ERCC1: variants seen among roughly 807,000 people sequenced by gnomAD.
ERCC1 encodes the protein ERCC excision repair 1, endonuclease non-catalytic subunit.
A neutral mutation model predicts 37.6 loss-of-function variants in ERCC1; 36 were observed. The observed-to-expected ratio is 0.96, with a 90% CI of 0.73 to 1.26. ERCC1 has a LOEUF of 1.26. ERCC1 is among the 50% of genes most tolerant of loss of function. ERCC1 has a pLI of 0.00. For missense variants in ERCC1, 349 were observed against 376.5 expected (o/e 0.93, Z 0.60); for synonymous variants, 156 against 162.1 (o/e 0.96, Z 0.28).
At chr19:45,451,516 G>A (rs896495712) in intron 1 of ERCC1, among the ~76,000 whole-genome samples, 1 of 152,110 alleles carries the variant, frequency 6.6e-6, no homozygotes, top group Non-Finnish European at 1.5e-5. Flanking sequence ...GGCAGCCCGT[G>A]GTCCTTCCAT....
At chr19:45,414,109 G>T in intron 7 of ERCC1, 75 bp from the exon 8 acceptor site, 1 of 1,200,390 alleles carries the variant, frequency 8.3e-7, no homozygotes. Context: ...GCAGGGCTGG[G>T]TCACAGCTGT....
At chr19:45,415,635 CAAAAA>C (rs913880423) in intron 6 of ERCC1, among the ~76,000 whole-genome samples, 2 of 46,724 alleles carry the variant, frequency 4.3e-5, no homozygotes, top group Non-Finnish European at 8.5e-5. Context: ...GACTCCGTCT[CAAAAA>C]AAAAAAAAAA....
At chr19:45,410,596 T>TGTGTGTGTGTGTGTGTGTGG (rs896460788) in intron 9 of ERCC1, 10 of 151,610 alleles carry the variant, frequency 6.6e-5, no homozygotes, top group African/African-American at 2.4e-4. Flanking sequence ...TGTGTGTGTG[T>TGTGTGTGTGTGTGTGTGTGG]GGTACCCATT....
intron 5 of ERCC1, among the ~76,000 whole-genome samples, chr19:45,418,302 T>C (rs1192449349): frequency 6.6e-6 from 1 of 152,056 alleles, no homozygotes; most frequent in African/African-American, 2.4e-5. Flanking sequence ...TGAGCCAAGA[T>C]TGCACCACTA....
chr19:45,418,514 G>A (rs934870100), intron 5 of ERCC1, among the ~76,000 whole-genome samples: 3 of 148,038 alleles, frequency 2.0e-5, no homozygotes, highest in Non-Finnish European at 3.0e-5. Flanking sequence ...AGGAGACTCC[G>A]TCTTAAAAAA....
At position 45,409,156 on chromosome 19, in the gene ERCC1, A is replaced by C; in HGVS notation, c.*519T>G. ...AGAAAGAAAAACAGCAAGATGCCAC[A>C]GTGGAGCCAGAGACAGAGGTGGTGG... On this transcript the variant is annotated 3_prime_UTR_variant, in exon 10 of 10. Transcript: ENST00000300853. The C allele has an allele frequency of 1.2e-6, 2 of 1,613,396 alleles. No individual in the cohort carries two copies. Among genetic ancestry groups the C allele is most frequent in the Non-Finnish European group, 1.7e-6 (2 of 1,179,592 alleles).
intron 5 of ERCC1, among the ~76,000 whole-genome samples, chr19:45,418,615 G>GA (rs1374866135): frequency 1.3e-5 from 2 of 151,234 alleles, no homozygotes; most frequent in Non-Finnish European, 3.0e-5. Context: ...CTGAGGTCAG[G>GA]AGTTCAAGAC....
At chr19:45,429,530 G>A (rs987729194) in intron 1 of ERCC1, among the ~76,000 whole-genome samples, 4 of 152,112 alleles carry the variant, frequency 2.6e-5, no homozygotes, top group Admixed American at 1.3e-4. Context: ...AAATGAGAAA[G>A]GCGGAAAGAG....
chr19:45,419,071 G>A (rs369561580), intron 5 of ERCC1, 27 bp downstream of exon 5: 411 of 1,489,656 alleles, frequency 2.8e-4, no homozygotes, highest in Non-Finnish European at 3.6e-4. Context: ...GCCCGGTGAG[G>A]CTGGCTAGGG....
At chr19:45,410,803 C>T (rs1973688576) in intron 9 of ERCC1, 3 of 152,000 alleles carry the variant, frequency 2.0e-5, no homozygotes, top group Admixed American at 1.3e-4. Context: ...TTGTAATTGA[C>T]AGGATCTCAT....
chr19:45,450,435 C>G (rs926679486), intron 1 of ERCC1, among the ~76,000 whole-genome samples: 3 of 152,270 alleles, frequency 2.0e-5, no homozygotes, highest in Admixed American at 2.0e-4. Context: ...ACGCGGCCGG[C>G]CGAGGTCGGC....
At chr19:45,438,727 C>T (rs1294339256) in intron 1 of ERCC1, among the ~76,000 whole-genome samples, 1 of 152,006 alleles carries the variant, frequency 6.6e-6, no homozygotes, top group Non-Finnish European at 1.5e-5. Context: ...GCGTGACCTC[C>T]GCCTCCCTGG....
chr19:45,434,647 A>G (rs974182501), intron 1 of ERCC1, among the ~76,000 whole-genome samples: 1 of 151,656 alleles, frequency 6.6e-6, no homozygotes, highest in Non-Finnish European at 1.5e-5. Flanking sequence ...GTGCAGTGGT[A>G]CGACCTCAGC....
chr19:45,423,428 T>C, intron 1 of ERCC1, 47 bp from the exon 2 acceptor site: 2 of 1,563,622 alleles, frequency 1.3e-6, no homozygotes, highest in Non-Finnish European at 1.7e-6. Flanking sequence ...GCGTCTACGT[T>C]CTCATCCCGC....
chr19:45,428,083 C>CTTTTT (rs5828235), upstream of ERCC1, among the ~76,000 whole-genome samples: 225 of 115,950 alleles, frequency 1.9e-3, 9 homozygotes, highest in African/African-American at 6.6e-3. Flanking sequence ...TTCTTTCTTT[C>CTTTTT]TTTTTTTTTT....
In ERCC1 at chr19:45,421,266, G is replaced by A; in HGVS notation, c.233C>T (p.Thr78Ile). The change falls in exon 3 of 10, where the codon ACA becomes ATA. Residue 78 changes from threonine to isoleucine, a missense_variant. Physicochemically the swap from Thr to Ile is moderately conservative, Grantham distance 89 (BLOSUM62 -1). Transcript: ENST00000300853. The stretch of plus-strand genomic sequence containing the variant: ...CTCTCCTGCCAGGGGCTCTGACCCT[G>A]TGGGGCACGTGGCCCCAGCCCCTTC... ...PLEGAGATCP[T>I]GSEPLAGETP... 6.2e-7 allele frequency: 1 copy of A among 1,614,176 alleles called. No individual in the cohort carries two copies. Among genetic ancestry groups the A allele is most frequent in the East Asian group, 2.2e-5 (1 of 44,886 alleles).
intron 9 of ERCC1, 37 bp from the exon 10 acceptor site, chr19:45,409,762 T>C (rs771323349): frequency 1.3e-6 from 1 of 764,562 alleles, no homozygotes; most frequent in Non-Finnish European, 2.4e-6. Flanking sequence ...GAACCAGTCA[T>C]TAAAGGAGCT....
chr19:45,434,292 G>C (rs112907865), intron 1 of ERCC1, among the ~76,000 whole-genome samples: 2,564 of 149,310 alleles, frequency 0.017, 36 homozygotes, highest in African/African-American at 0.026. Context: ...ACCAGCCTGG[G>C]CAACATGGTG....
At chr19:45,444,517 A>AC (rs1423168084) in intron 1 of ERCC1, among the ~76,000 whole-genome samples, 1 of 152,144 alleles carries the variant, frequency 6.6e-6, no homozygotes. Flanking sequence ...GGGACGGAGC[A>AC]CCCAGGCCTG....
Sources: allele counts gnomAD v4.1 joint callset (sites outside exome capture counted in the v4.1 genomes callset), GRCh38; gene constraint gnomAD v4.1.1; transcripts MANE v1.5; gene names NCBI Gene and HGNC (gene_info 2026-07-23, HGNC 2026-07-21).